The following SERPINI1 variants were observed in gnomAD, a reference collection of about 807,000 sequenced individuals.
The protein encoded by SERPINI1 is neuroserpin.
A neutral mutation model predicts 41.1 loss-of-function variants in SERPINI1; 19 were observed. The ratio of observed to expected loss-of-function variants is 0.46; its 90% CI spans 0.32 to 0.68. The LOEUF (loss-of-function observed/expected upper bound fraction) is 0.68, where lower values mean the gene tolerates loss of function less well. Among genes scored for constraint, SERPINI1 ranks in the 30% least tolerant of loss-of-function variants. The pLI, the probability that SERPINI1 is intolerant of heterozygous loss-of-function variation, is 0.03. For missense variants in SERPINI1, 460 were observed against 479.2 expected, an observed-to-expected ratio of 0.96 and a Z score of 0.37; for synonymous variants, 138 against 156.6, an observed-to-expected ratio of 0.88 and a Z score of 0.89.
At chr3:167,773,242 A>G (rs1220100823) in intron 1 of SERPINI1, among the ~76,000 whole-genome samples, 1 of 151,960 alleles carries the variant, frequency 6.6e-6, no homozygotes, top group Non-Finnish European at 1.5e-5. Flanking sequence ...ATGATGGGAA[A>G]AGCTTTAAGC....
chr3:167,792,311 GA>G (rs1727549042), intron 3 of SERPINI1, among the ~76,000 whole-genome samples: 1 of 151,560 alleles, frequency 6.6e-6, no homozygotes, highest in South Asian at 2.1e-4. Context: ...CGGGTGTTTT[GA>G]ATGCCCTTAA....
At position 167,757,192 on chromosome 3, in the gene SERPINI1, C is replaced by T. The variant is rs142504694; in HGVS notation, c.-19+21369C>T. Among the ~76,000 whole-genome samples the T allele has an allele frequency of 2.0e-3, 303 of 152,240 alleles. 1 individual carries two copies. Among genetic ancestry groups the T allele is most frequent in the African/African-American group, 7.2e-3 (299 of 41,552 alleles). On this transcript the variant is annotated intron_variant, in intron 1 of 8. Coordinates refer to ENST00000446050, the MANE Select transcript of SERPINI1 (RefSeq NM_001122752.2). ...CAACCCTCCTGTTTTACTGATGAAGCCTAGAGCTTTTTCTAAGACCAGCTT... is the reference window on the plus strand; with the variant it reads ...CAACCCTCCTGTTTTACTGATGAAGTCTAGAGCTTTTTCTAAGACCAGCTT...
chr3:167,791,956 C>T (rs994794756), intron 3 of SERPINI1, among the ~76,000 whole-genome samples: 14 of 152,114 alleles, frequency 9.2e-5, no homozygotes, highest in Non-Finnish European at 4.4e-5. Flanking sequence ...GAGACCCCAT[C>T]TCTTCTAAAA....
intron 1 of SERPINI1, among the ~76,000 whole-genome samples, chr3:167,779,630 C>A (rs375682203): frequency 5.9e-5 from 9 of 152,156 alleles, no homozygotes; most frequent in East Asian, 1.9e-4. Flanking sequence ...TGAAGACATC[C>A]AGTAATCATC....
At chr3:167,742,049 TAAG>T (rs1009589324) in intron 1 of SERPINI1, among the ~76,000 whole-genome samples, 1 of 151,938 alleles carries the variant, frequency 6.6e-6, no homozygotes, top group South Asian at 2.1e-4. Flanking sequence ...GTTATCTAGA[TAAG>T]AAGAAAAAGC....
chr3:167,782,022 T>C (rs1727147631), intron 1 of SERPINI1, among the ~76,000 whole-genome samples: 1 of 152,158 alleles, frequency 6.6e-6, no homozygotes, highest in Non-Finnish European at 1.5e-5. Flanking sequence ...GAATTAAGGA[T>C]AGTTTATTCA....
At chr3:167,782,993 A>G (rs534517667) in intron 1 of SERPINI1, among the ~76,000 whole-genome samples, 1 of 152,314 alleles carries the variant, frequency 6.6e-6, no homozygotes, top group South Asian at 2.1e-4. Flanking sequence ...TATGTTCAGG[A>G]CTAAAGATTT....
chr3:167,804,597 C>T (rs6766722), intron 5 of SERPINI1, among the ~76,000 whole-genome samples: 53,023 of 151,912 alleles, frequency 0.35, 10,492 homozygotes, highest in African/African-American at 0.54. Context: ...ACTCAGGAGG[C>T]CAAGGCAGGA....
At chr3:167,792,299 T>TA (rs1727548286) in intron 3 of SERPINI1, among the ~76,000 whole-genome samples, 1 of 152,042 alleles carries the variant, frequency 6.6e-6, no homozygotes, top group African/African-American at 2.4e-5. Context: ...TTTCAGGTGA[T>TA]ACGGGTGTTT....
intron 6 of SERPINI1, among the ~76,000 whole-genome samples, chr3:167,821,541 C>G (rs1712327822): frequency 6.6e-6 from 1 of 152,118 alleles, no homozygotes; most frequent in South Asian, 2.1e-4. Flanking sequence ...CAGACAGACC[C>G]CATGCTCGCT....
chr3:167,760,849 G>A (rs1726355986), intron 1 of SERPINI1, among the ~76,000 whole-genome samples: 1 of 152,094 alleles, frequency 6.6e-6, no homozygotes, highest in African/African-American at 2.4e-5. Context: ...AAATAACAGT[G>A]TAAAGGCAAG....
intron 6 of SERPINI1, among the ~76,000 whole-genome samples, chr3:167,809,238 T>C (rs1711773863): frequency 6.6e-6 from 1 of 152,218 alleles, no homozygotes. Context: ...CTTAGCATAA[T>C]TTAACATTGT....
chr3:167,807,931 A>G (rs1184626253), intron 6 of SERPINI1, among the ~76,000 whole-genome samples: 1 of 152,062 alleles, frequency 6.6e-6, no homozygotes, highest in African/African-American at 2.4e-5. Context: ...AACCTGGTCA[A>G]CAGAGTGAAA....
intron 1 of SERPINI1, among the ~76,000 whole-genome samples, chr3:167,753,116 T>C (rs1419404423): frequency 6.6e-6 from 1 of 152,056 alleles, no homozygotes; most frequent in African/African-American, 2.4e-5. Flanking sequence ...GCTCTCTGCT[T>C]GAAATGAAAA....
chr3:167,741,516 T>G (rs1000836897), intron 1 of SERPINI1, among the ~76,000 whole-genome samples: 5 of 152,218 alleles, frequency 3.3e-5, no homozygotes, highest in African/African-American at 1.2e-4. Flanking sequence ...AACCTAGATT[T>G]TGTTGCTTTG....
intron 6 of SERPINI1, among the ~76,000 whole-genome samples, chr3:167,815,003 C>T (rs1712025138): frequency 6.6e-6 from 1 of 152,196 alleles, no homozygotes; most frequent in Non-Finnish European, 1.5e-5. Flanking sequence ...CTCTAACCAA[C>T]AAGACAAGCT....
chr3:167,757,174 C>G (rs981100557), intron 1 of SERPINI1, among the ~76,000 whole-genome samples: 1 of 152,184 alleles, frequency 6.6e-6, no homozygotes, highest in African/African-American at 2.4e-5. Flanking sequence ...GACCAACCCT[C>G]CTGTTTTACT....
chr3:167,748,161 A>G (rs552943865), intron 1 of SERPINI1, among the ~76,000 whole-genome samples: 2 of 152,314 alleles, frequency 1.3e-5, no homozygotes, highest in East Asian at 3.9e-4. Context: ...TATTGCAGTT[A>G]TCAACAGCTT....
At chr3:167,813,307 A>G (rs556804305) in intron 6 of SERPINI1, among the ~76,000 whole-genome samples, 1 of 152,310 alleles carries the variant, frequency 6.6e-6, no homozygotes, top group Admixed American at 6.5e-5. Flanking sequence ...AGCAGCTGCC[A>G]CAGCTATCTT....
Sources: allele counts gnomAD v4.1 joint callset (sites outside exome capture counted in the v4.1 genomes callset), GRCh38; gene constraint gnomAD v4.1.1; transcripts MANE v1.5; gene names NCBI Gene and HGNC (gene_info 2026-07-23, HGNC 2026-07-21).